MARCHF1: variants seen among roughly 807,000 people sequenced by gnomAD.
MARCHF1 encodes the protein E3 ubiquitin-protein ligase MARCHF1.
In MARCHF1, 40 loss-of-function variants were observed where a neutral mutation model predicts 54.2. That is an observed-to-expected ratio of 0.74 (90% CI 0.57 to 0.96). The LOEUF (loss-of-function observed/expected upper bound fraction) is 0.96, where lower values mean the gene tolerates loss of function less well. MARCHF1 is among the 40% of genes least tolerant of loss of function. The pLI is 0.00. For synonymous variants in MARCHF1, 236 were observed against 236.3 expected, an observed-to-expected ratio of 1.00 and a Z score of 0.01; for missense variants, 586 against 656.5, an observed-to-expected ratio of 0.89 and a Z score of 1.17.
intron 1 of MARCHF1, among the ~76,000 whole-genome samples, chr4:164,251,160 G>T (rs1258281790): frequency 6.6e-6 from 1 of 152,084 alleles, no homozygotes; most frequent in Non-Finnish European, 1.5e-5. Context: ...TCTCCTCTGA[G>T]TTATTCATTT....
At chr4:163,778,700 T>C (rs1350158940) in intron 4 of MARCHF1, among the ~76,000 whole-genome samples, 1 of 152,136 alleles carries the variant, frequency 6.6e-6, no homozygotes. Flanking sequence ...TTTTATTGCA[T>C]CATGGATGGA....
intron 5 of MARCHF1, among the ~76,000 whole-genome samples, chr4:163,688,625 A>G (rs948234672): frequency 6.6e-6 from 1 of 152,078 alleles, no homozygotes; most frequent in Non-Finnish European, 1.5e-5. Flanking sequence ...AACCTCACAG[A>G]TTTTTTTTAA....
At chr4:163,875,301 C>T (rs894339768) in intron 3 of MARCHF1, among the ~76,000 whole-genome samples, 1 of 151,984 alleles carries the variant, frequency 6.6e-6, no homozygotes, top group African/African-American at 2.4e-5. Flanking sequence ...CTGGGAGGTC[C>T]GTGATTTTTT....
At chr4:164,194,862 A>G (rs891110660) in intron 1 of MARCHF1, among the ~76,000 whole-genome samples, 2 of 152,078 alleles carry the variant, frequency 1.3e-5, no homozygotes, top group Non-Finnish European at 2.9e-5. Flanking sequence ...TTACATAGAT[A>G]TATATGTGCC....
intron 7 of MARCHF1, among the ~76,000 whole-genome samples, chr4:163,598,206 C>G (rs1740836406): frequency 6.6e-6 from 1 of 152,184 alleles, no homozygotes. Flanking sequence ...TCAACCGCAT[C>G]ATTTGCATTT....
intron 3 of MARCHF1, among the ~76,000 whole-genome samples, chr4:163,911,201 C>T (rs1751181751): frequency 6.6e-6 from 1 of 152,174 alleles, no homozygotes; most frequent in Non-Finnish European, 1.5e-5. Flanking sequence ...GTTTTACCAT[C>T]TATCTTTATC....
chr4:163,592,885 C>T (rs1740638293), intron 7 of MARCHF1, among the ~76,000 whole-genome samples: 1 of 152,074 alleles, frequency 6.6e-6, no homozygotes, highest in South Asian at 2.1e-4. Context: ...CCCCCATTCC[C>T]TCTATTGATG....
At chr4:164,307,704 A>C (rs1269629065) in intron 1 of MARCHF1, among the ~76,000 whole-genome samples, 1 of 152,234 alleles carries the variant, frequency 6.6e-6, no homozygotes, top group Non-Finnish European at 1.5e-5. Flanking sequence ...CCAAATGCTA[A>C]AGATACAGAT....
At chr4:164,320,386 A>G (rs1255486325) in intron 1 of MARCHF1, among the ~76,000 whole-genome samples, 1 of 152,106 alleles carries the variant, frequency 6.6e-6, no homozygotes, top group Non-Finnish European at 1.5e-5. Flanking sequence ...GAAGTAGGAG[A>G]ACTAAGGAAT....
chr4:163,754,845 G>A (rs903901371), intron 4 of MARCHF1, among the ~76,000 whole-genome samples: 1 of 152,030 alleles, frequency 6.6e-6, no homozygotes, highest in Non-Finnish European at 1.5e-5. Flanking sequence ...GTTAAAACAC[G>A]GGACCCTGAA....
chr4:163,682,042 T>C (rs1203522015), intron 5 of MARCHF1, among the ~76,000 whole-genome samples: 1 of 152,178 alleles, frequency 6.6e-6, no homozygotes. Context: ...AAAATGCTGA[T>C]AGTGATATGG....
chr4:164,271,662 T>G (rs1392374534), intron 1 of MARCHF1, among the ~76,000 whole-genome samples: 2 of 152,164 alleles, frequency 1.3e-5, no homozygotes, highest in Non-Finnish European at 2.9e-5. Context: ...CAAATTAGAT[T>G]GGATACCTAT....
chr4:164,220,366 T>C (rs1025969551), intron 1 of MARCHF1, among the ~76,000 whole-genome samples: 2 of 147,386 alleles, frequency 1.4e-5, no homozygotes, highest in African/African-American at 4.9e-5. Flanking sequence ...ATATACATAT[T>C]CCCATATATA....
intron 1 of MARCHF1, among the ~76,000 whole-genome samples, chr4:164,205,459 A>T (rs1337061984): frequency 6.6e-6 from 1 of 152,186 alleles, no homozygotes; most frequent in Non-Finnish European, 1.5e-5. Context: ...GCTACTATAA[A>T]CAGTTTTGCT....
intron 5 of MARCHF1, among the ~76,000 whole-genome samples, chr4:163,619,809 T>A (rs1042338671): frequency 3.3e-4 from 50 of 152,002 alleles, no homozygotes; most frequent in Admixed American, 1.2e-3. Flanking sequence ...AAAACATAAT[T>A]TATGTTTAAT....
intron 4 of MARCHF1, among the ~76,000 whole-genome samples, chr4:163,723,298 G>A (rs1745539290): frequency 6.6e-6 from 1 of 152,102 alleles, no homozygotes; most frequent in African/African-American, 2.4e-5. Flanking sequence ...AGTTTGGCTG[G>A]ATATGAAATT....
intron 1 of MARCHF1, among the ~76,000 whole-genome samples, chr4:164,348,176 G>C (rs1008105420): frequency 1.3e-5 from 2 of 149,732 alleles, no homozygotes; most frequent in Admixed American, 7.0e-5. Flanking sequence ...CATCAAAAGA[G>C]TATGCTTCTT....
At chr4:164,309,349 T>C (rs1734786111) in intron 1 of MARCHF1, among the ~76,000 whole-genome samples, 1 of 151,994 alleles carries the variant, frequency 6.6e-6, no homozygotes, top group Non-Finnish European at 1.5e-5. Flanking sequence ...TTGCGCTCCC[T>C]GCCACATTTC....
chr4:163,772,189 G>C (rs905634523), intron 4 of MARCHF1, among the ~76,000 whole-genome samples: 1 of 152,094 alleles, frequency 6.6e-6, no homozygotes, highest in Non-Finnish European at 1.5e-5. Context: ...ATTCCTATAA[G>C]AAGTGGTGGT....
Sources: allele counts gnomAD v4.1 joint callset (sites outside exome capture counted in the v4.1 genomes callset), GRCh38; gene constraint gnomAD v4.1.1; transcripts MANE v1.5; gene names NCBI Gene and HGNC (gene_info 2026-07-23, HGNC 2026-07-21).